COL3A1: variants seen among roughly 807,000 people sequenced by gnomAD.
The protein encoded by COL3A1 is collagen type III alpha 1 chain.
Under a neutral mutation model 200.9 loss-of-function variants are expected in COL3A1, and 46 were observed. The observed-to-expected ratio is 0.23, with a 90% CI of 0.18 to 0.29. The LOEUF (loss-of-function observed/expected upper bound fraction) is 0.29, where lower values mean the gene tolerates loss of function less well. Among genes scored for constraint, COL3A1 ranks in the 10% least tolerant of loss-of-function variants. The probability of loss-of-function intolerance (pLI) is 1.00; values close to 1 mark genes in which losing one functional copy is unlikely to be tolerated. For synonymous variants in COL3A1, 650 were observed against 628.0 expected (o/e 1.03, Z -0.52); for missense variants, 1,367 against 1,917.6 (o/e 0.71, Z 5.36).
chr2:188,995,804 T>C lies in COL3A1; in HGVS notation c.1608+14T>C, dbSNP rs1454239510. ...CCAGGAATGAGGGTACAGAGAAACATTTGTTTGAATGACACTTTAATTTAG... is the reference window on the plus strand; with the variant it reads ...CCAGGAATGAGGGTACAGAGAAACACTTGTTTGAATGACACTTTAATTTAG... On this transcript the variant is annotated intron_variant, in intron 22 of 50. Coordinates refer to ENST00000304636, the MANE Select transcript of COL3A1 (RefSeq NM_000090.4). 8 of 1,537,370 alleles carry C rather than the reference T, an allele frequency of 5.2e-6. No homozygotes were observed. In the South Asian group the frequency reaches 9.5e-5, roughly 18 times the overall value.
chr2:188,986,318 A>G lies in COL3A1; in HGVS notation c.447+540A>G, dbSNP rs1011682972. Among the ~76,000 whole-genome samples the G allele has an allele frequency of 3.3e-5, 5 of 152,058 alleles. No individual in the cohort carries two copies. In the East Asian group the frequency reaches 9.6e-4, roughly 29 times the overall value. On this transcript the variant is annotated intron_variant, in intron 4 of 50. Transcript: ENST00000304636. ...GCAGGTAAAACAACCAAACAAATAA[A>G]TATGACAAAATTTCTGTTGCATGGA...
chr2:188,992,120 A>G (rs13306271), intron 13 of COL3A1, 64 bp from the exon 14 acceptor site: 2 of 1,548,366 alleles, frequency 1.3e-6, no homozygotes, highest in East Asian at 4.5e-5. Context: ...ATTTTGGTCA[A>G]AATATTACTC....
At chr2:188,989,170 G>A (rs1559054115) in intron 7 of COL3A1, among the ~76,000 whole-genome samples, 1 of 151,040 alleles carries the variant, frequency 6.6e-6, no homozygotes, top group African/African-American at 2.5e-5. Flanking sequence ...AATGCATTTG[G>A]ATTTATAAAT....
intron 21 of COL3A1, 93 bp downstream of exon 21, chr2:188,995,192 T>C: frequency 8.3e-7 from 1 of 1,207,168 alleles, no homozygotes; most frequent in South Asian, 1.3e-5. Flanking sequence ...CCTAAATATC[T>C]GAAGAATATA....
chr2:189,003,888 A>G, intron 38 of COL3A1, 94 bp from the exon 39 acceptor site: 1 of 1,575,510 alleles, frequency 6.3e-7, no homozygotes, highest in Non-Finnish European at 8.7e-7. Context: ...TTTCTCTAGT[A>G]AGTCTCAAAT....
intron 1 of COL3A1, among the ~76,000 whole-genome samples, chr2:188,983,540 C>A (rs1687998297): frequency 6.6e-6 from 1 of 151,848 alleles, no homozygotes; most frequent in South Asian, 2.1e-4. Context: ...AACGGGACCT[C>A]GAAAAGGTGA....
intron 21 of COL3A1, 139 bp downstream of exon 21, chr2:188,995,238 C>A: frequency 1.2e-6 from 1 of 812,644 alleles, no homozygotes; most frequent in Non-Finnish European, 2.0e-6. Flanking sequence ...TATAATGCAT[C>A]CTCTGTTCAA....
chr2:188,985,678 T>G lies in COL3A1; in HGVS notation c.347T>G (p.Ile116Ser), dbSNP rs769622439. Residue 116 changes from isoleucine (I) to serine (S), a missense_variant, in exon 4 of 51, where the codon ATT becomes AGT. Around this residue, in one of 5 missense-constraint regions of COL3A1, gnomAD observed 462 missense variants for 681.4 expected, o/e 0.68. Coordinates refer to ENST00000304636, the MANE Select transcript of COL3A1 (RefSeq NM_000090.4). ...GPKGDPGPPG[I>S]PGRNGDPGIP... is the part of the protein sequence containing the mutation. Reference sequence around the variant, plus strand: ...TCTCTTTTTTAGGGCCCTCCTGGTATTCCTGGGAGAAATGGTGACCCTGGT... The same window carrying G: ...TCTCTTTTTTAGGGCCCTCCTGGTAGTCCTGGGAGAAATGGTGACCCTGGT... 17 of 1,609,210 alleles carry G rather than the reference T, an allele frequency of 1.1e-5. No individual in the cohort carries two copies. The highest frequency in any genetic ancestry group is 1.0e-4 in the Admixed American group (6 of 59,708).
Position 189,010,382 on chromosome 2 carries a change from CTT to C in COL3A1, c.4011+23_4011+24del. 6.2e-7 allele frequency: 1 copy of C among 1,613,064 alleles called. No individual in the cohort carries two copies. Among genetic ancestry groups the C allele is most frequent in the South Asian group, 1.1e-5 (1 of 91,046 alleles). On this transcript the variant is annotated intron_variant, in intron 49 of 50. Coordinates refer to ENST00000304636, the MANE Select transcript of COL3A1 (RefSeq NM_000090.4). Reference sequence around the variant, plus strand: ...GGTTTTCAGGTAGGAAAGGATATACCTTTTTTTAAATAAGTCACCTCTATATC... The same window carrying C: ...GGTTTTCAGGTAGGAAAGGATATACCTTTTTAAATAAGTCACCTCTATATC...
chr2:188,986,355 C>T (rs73981454), intron 4 of COL3A1, among the ~76,000 whole-genome samples: 1,661 of 151,956 alleles, frequency 0.011, 39 homozygotes, highest in African/African-American at 0.038. Flanking sequence ...TTAGGTGAAA[C>T]GAGAAAATAT....
At chr2:188,996,847 G>A (rs1688333045) in intron 24 of COL3A1, among the ~76,000 whole-genome samples, 2 of 152,072 alleles carry the variant, frequency 1.3e-5, no homozygotes, top group Admixed American at 6.6e-5. Context: ...AAATTAGCCA[G>A]GCATGGTGGC....
At chr2:188,981,739 C>T (rs1255662938) in intron 1 of COL3A1, among the ~76,000 whole-genome samples, 1 of 151,410 alleles carries the variant, frequency 6.6e-6, no homozygotes, top group African/African-American at 2.4e-5. Context: ...CTTGACTTTG[C>T]CATGATTTTC....
chr2:188,994,471 A>AT lies in COL3A1; in HGVS notation c.1294-69dup. On this transcript the variant is annotated intron_variant, in intron 18 of 50. Transcript: ENST00000304636. The surrounding 1 kb of genome is among the most constrained non-coding windows in gnomAD (Gnocchi z 4.5). ...TTGTCTTATAACTTATAACTGAATT[A>AT]TGTGTTACTGGTGATGATTTGTTAG... 1.1e-5 allele frequency: 17 copies of AT among 1,580,014 alleles called. No homozygotes were observed. The highest frequency in any genetic ancestry group is 1.4e-5 in the Non-Finnish European group (16 of 1,149,420).
At position 189,008,078 on chromosome 2, in the gene COL3A1, G is replaced by C. The variant is rs147054108; in HGVS notation, c.3461G>C (p.Ser1154Thr). The C allele has an allele frequency of 1.1e-5, 17 of 1,614,068 alleles. No individual in the cohort carries two copies. In the East Asian group the frequency reaches 3.8e-4, roughly 36 times the overall value. ...GGACCTCCTGGCAAAGATGGAACCA[G>C]TGGACATCCAGGTCCCATTGGACCA... The part of the protein sequence containing the change: ...PSGPPGKDGT[S>T]GHPGPIGPPG... Residue 1154 changes from serine (S) to threonine (T), a missense_variant, in exon 47 of 51, where the codon AGT becomes ACT. By Grantham distance (58) the Ser-to-Thr change is moderately conservative. Transcript: ENST00000304636.
At chr2:188,976,326 T>C (rs7607614) in intron 1 of COL3A1, among the ~76,000 whole-genome samples, 9,003 of 152,188 alleles carry the variant, frequency 0.059, 901 homozygotes, top group African/African-American at 0.2. Context: ...GACATCACAT[T>C]AAGTTCTGTT....
intron 26 of COL3A1, 130 bp from the exon 27 acceptor site, chr2:188,997,570 T>G: frequency 8.6e-7 from 1 of 1,166,738 alleles, no homozygotes; most frequent in East Asian, 2.5e-5. Context: ...ACATGTGTGC[T>G]TTGGGTCCAG....
intron 1 of COL3A1, among the ~76,000 whole-genome samples, chr2:188,980,300 AT>A (rs1029388506): frequency 4.0e-5 from 6 of 151,052 alleles, no homozygotes; most frequent in Non-Finnish European, 8.9e-5. Context: ...AATTATTTTT[AT>A]TTTTAACAGG....
intron 8 of COL3A1, 121 bp downstream of exon 8, chr2:188,989,570 TAAC>T (rs986701856): frequency 3.2e-5 from 25 of 773,180 alleles, no homozygotes; most frequent in African/African-American, 2.5e-4. Context: ...ATTGTTGTCT[TAAC>T]AACATTTTAG....
At chr2:188,992,142 T>C (rs765063110) in intron 13 of COL3A1, 42 bp from the exon 14 acceptor site, 1 of 1,606,466 alleles carries the variant, frequency 6.2e-7, no homozygotes, top group Non-Finnish European at 8.5e-7. Context: ...TGACCAGCCA[T>C]TCAGAATTAA....
Sources: allele counts gnomAD v4.1 joint callset (sites outside exome capture counted in the v4.1 genomes callset), GRCh38; gene constraint gnomAD v4.1.1; regional missense constraint gnomAD v4.1.1; non-coding constraint Gnocchi (gnomAD v3.1); transcripts MANE v1.5; gene names NCBI Gene and HGNC (gene_info 2026-07-23, HGNC 2026-07-21).